Variants in ADCY2 observed in about 807,000 individuals in gnomAD.
ADCY2 encodes the protein adenylate cyclase type 2.
ADCY2 carries 31 observed loss-of-function variants against 125.2 expected under a neutral mutation model. The ratio of observed to expected loss-of-function variants is 0.25; its 90% CI spans 0.19 to 0.33. ADCY2 has a LOEUF of 0.33. Among genes scored for constraint, ADCY2 ranks in the 10% least tolerant of loss-of-function variants. The pLI is 1.00. For missense variants in ADCY2, 904 were observed against 1,418.2 expected (o/e 0.64, Z 5.82); for synonymous variants, 512 against 548.4 (o/e 0.93, Z 0.93).
chr5:7,570,549 T>A (rs1302440313), intron 3 of ADCY2, among the ~76,000 whole-genome samples: 10 of 143,536 alleles, frequency 7.0e-5, no homozygotes, highest in Admixed American at 5.8e-4. Flanking sequence ...GAAATGAGGA[T>A]GAGATGAAGA....
intron 15 of ADCY2, among the ~76,000 whole-genome samples, chr5:7,744,589 C>T (rs917230343): frequency 2.0e-5 from 3 of 152,322 alleles, no homozygotes; most frequent in African/African-American, 7.2e-5. Flanking sequence ...GGCCATGAGT[C>T]TATGAGAGCA....
chr5:7,397,761 G>A (rs938549054), intron 1 of ADCY2, among the ~76,000 whole-genome samples: 1 of 152,066 alleles, frequency 6.6e-6, no homozygotes, highest in Non-Finnish European at 1.5e-5. Flanking sequence ...TGAGTTCAAT[G>A]AGGTAAGAAT....
rs1484041405 is a variant in ADCY2 at position 7,709,334 on chromosome 5, C to T, written c.1525C>T (p.His509Tyr). The change falls in exon 10 of 25, where the codon CAC becomes TAC. Residue 509 changes from histidine (H) to tyrosine (Y), a missense_variant. His to Tyr is a moderately conservative substitution (Grantham distance 83, BLOSUM62 2). Coordinates refer to ENST00000338316, the MANE Select transcript of ADCY2 (RefSeq NM_020546.3). The surrounding 1 kb of genome is among the most constrained non-coding windows in gnomAD (Gnocchi z 4.4). The part of the protein sequence containing the change: ...ESWGAAKPFA[H>Y]LHHRDSMTTE... ...CTGGGGGGCAGCCAAGCCCTTTGCA[C>T]ACCTACATCACAGGGACAGCATGAC... is the stretch of plus-strand genomic sequence containing the variant. 6.2e-7 allele frequency: 1 copy of T among 1,613,276 alleles called. No homozygotes were observed. Among genetic ancestry groups the T allele is most frequent in the Middle Eastern group, 1.7e-4 (1 of 6,060 alleles).
intron 3 of ADCY2, among the ~76,000 whole-genome samples, chr5:7,538,411 C>A (rs1174220771): frequency 6.6e-6 from 1 of 152,126 alleles, no homozygotes; most frequent in Non-Finnish European, 1.5e-5. Flanking sequence ...TATGTAATTC[C>A]CAGCTAAATG....
chr5:7,689,678 G>A (rs567379320), intron 4 of ADCY2, among the ~76,000 whole-genome samples: 8 of 151,970 alleles, frequency 5.3e-5, no homozygotes, highest in African/African-American at 1.4e-4. Context: ...AAGCAAATCC[G>A]AGCTTCCCCT....
At chr5:7,527,720 A>C (rs1181560988) in intron 3 of ADCY2, among the ~76,000 whole-genome samples, 2 of 152,252 alleles carry the variant, frequency 1.3e-5, no homozygotes, top group South Asian at 4.1e-4. Context: ...GAAAAATTTT[A>C]GATTGCACCT....
At chr5:7,425,366 C>G (rs1291749067) in intron 2 of ADCY2, among the ~76,000 whole-genome samples, 2 of 152,236 alleles carry the variant, frequency 1.3e-5, no homozygotes, top group Non-Finnish European at 2.9e-5. Flanking sequence ...ATTCCAACTA[C>G]TCGAGCATTA....
At chr5:7,498,223 C>T (rs1270126481) in intron 2 of ADCY2, among the ~76,000 whole-genome samples, 3 of 138,098 alleles carry the variant, frequency 2.2e-5, no homozygotes, top group Non-Finnish European at 3.1e-5. Context: ...GTAAGTAAAA[C>T]TCTTTTTCTT....
intron 4 of ADCY2, among the ~76,000 whole-genome samples, chr5:7,658,429 GTGTATATA>G (rs1488747713): frequency 3.2e-5 from 4 of 126,960 alleles, no homozygotes; most frequent in African/African-American, 1.1e-4. Flanking sequence ...GTGTGTGTGT[GTGTATATA>G]TATATATATT....
intron 4 of ADCY2, among the ~76,000 whole-genome samples, chr5:7,669,084 A>ATC (rs1283974150): frequency 6.6e-6 from 1 of 152,208 alleles, no homozygotes; most frequent in Non-Finnish European, 1.5e-5. Context: ...TATTGTGGGA[A>ATC]TCACCTGAAC....
chr5:7,817,394 C>T (rs1745150344), intron 23 of ADCY2, among the ~76,000 whole-genome samples: 1 of 152,054 alleles, frequency 6.6e-6, no homozygotes, highest in Non-Finnish European at 1.5e-5. Context: ...AGAATTGTTG[C>T]AATACAGTTC....
At chr5:7,426,397 T>C (rs752152832) in intron 2 of ADCY2, among the ~76,000 whole-genome samples, 48 of 152,240 alleles carry the variant, frequency 3.2e-4, no homozygotes, top group Non-Finnish European at 5.6e-4. Flanking sequence ...ACCGGCAGAT[T>C]TGGTGTCTGG....
chr5:7,772,327 A>G lies in ADCY2; in HGVS notation c.2215-605A>G, dbSNP rs527439414. Among the ~76,000 whole-genome samples the G allele has an allele frequency of 3.3e-5, 5 of 152,260 alleles. No homozygotes were observed. In the South Asian group the frequency reaches 8.3e-4, roughly 25 times the overall value. On this transcript the variant is annotated intron_variant, in intron 17 of 24. Coordinates refer to ENST00000338316, the MANE Select transcript of ADCY2 (RefSeq NM_020546.3). ...GGAAGATACCAGCTCGCTGGCCGCC[A>G]CTTGGTTCGTCCGCTTTCTTCTGGT... is the stretch of plus-strand genomic sequence containing the variant.
chr5:7,791,043 T>A (rs199730549), intron 20 of ADCY2, among the ~76,000 whole-genome samples: 3 of 39,634 alleles, frequency 7.6e-5, no homozygotes, highest in Non-Finnish European at 3.3e-4. Context: ...TTCTGGTCAG[T>A]TTTTTTTTGG....
chr5:7,540,515 T>C (rs559734508), intron 3 of ADCY2, among the ~76,000 whole-genome samples: 2 of 152,342 alleles, frequency 1.3e-5, no homozygotes, highest in African/African-American at 2.4e-5. Context: ...TTTAAGCAGA[T>C]GCTTCGGATT....
At chr5:7,685,836 G>A (rs772866611) in intron 4 of ADCY2, among the ~76,000 whole-genome samples, 3 of 152,160 alleles carry the variant, frequency 2.0e-5, no homozygotes, top group African/African-American at 4.8e-5. Context: ...ACTGGAGGAC[G>A]TTATGAAATG....
Position 7,802,475 on chromosome 5 carries a change from A to G in ADCY2, c.2775+111A>G, listed in dbSNP as rs949591779. The G allele has an allele frequency of 1.6e-6, 2 of 1,273,658 alleles. No homozygotes were observed. Among genetic ancestry groups the G allele is most frequent in the Non-Finnish European group, 2.1e-6 (2 of 936,132 alleles). 78.9% of individuals were successfully genotyped at this position (1,273,658 alleles called of 1,614,324 possible). A position where few individuals can be genotyped will look rare whatever the true frequency, so the allele number is the denominator to read the frequency against. ...ATCCCAAAAAAACTTGTCCTTTGGC[A>G]TAATTTCTGGCAGATGGCATTAAAG... On this transcript the variant is annotated intron_variant, in intron 21 of 24. Coordinates refer to ENST00000338316, the MANE Select transcript of ADCY2 (RefSeq NM_020546.3). The surrounding 1 kb of genome is among the most constrained non-coding windows in gnomAD (Gnocchi z 4.6).
At chr5:7,765,402 C>T (rs1743346849) in intron 16 of ADCY2, among the ~76,000 whole-genome samples, 1 of 152,158 alleles carries the variant, frequency 6.6e-6, no homozygotes, top group Non-Finnish European at 1.5e-5. Flanking sequence ...AATGTTAGCA[C>T]ATTTGTAGTT....
In ADCY2 at chr5:7,512,896, A is replaced by G. The variant is rs115541785; in HGVS notation, c.409-7842A>G. ...CTGAACTGCTGCTGAAACCTGGTCC[A>G]GAGATCCAGACCTCTGTAGAGGAGA... On this transcript the variant is annotated intron_variant, in intron 2 of 24. Coordinates refer to ENST00000338316, the MANE Select transcript of ADCY2 (RefSeq NM_020546.3). 3.9e-3 allele frequency among the ~76,000 whole-genome samples: 588 copies of G among 152,260 alleles called. 5 individuals are homozygous for G. The highest frequency in any genetic ancestry group is 0.013 in the African/African-American group (530 of 41,550).
Sources: allele counts gnomAD v4.1 joint callset (sites outside exome capture counted in the v4.1 genomes callset), GRCh38; gene constraint gnomAD v4.1.1; non-coding constraint Gnocchi (gnomAD v3.1); transcripts MANE v1.5; gene names NCBI Gene and HGNC (gene_info 2026-07-23, HGNC 2026-07-21).